The following SPINK8 variants were observed in gnomAD, a reference collection of about 807,000 sequenced individuals.
The protein encoded by SPINK8 is serine peptidase inhibitor Kazal type 8 (putative), also known as serine protease inhibitor Kazal-type 8.
Under a neutral mutation model 14.4 loss-of-function variants are expected in SPINK8, and 12 were observed. The ratio of observed to expected loss-of-function variants is 0.83; its 90% CI spans 0.53 to 1.35. The LOEUF is 1.35. Among genes scored for constraint, SPINK8 ranks in the 40% most tolerant of loss-of-function variants. SPINK8 has a pLI of 0.00. For synonymous variants in SPINK8, 32 were observed against 37.6 expected (o/e 0.85, Z 0.55); for missense variants, 103 against 117.0 (o/e 0.88, Z 0.55).
chr3:48,318,176 T>C (rs1056909031), intron 6 of SPINK8, among the ~76,000 whole-genome samples: 6 of 152,314 alleles, frequency 3.9e-5, no homozygotes, highest in Non-Finnish European at 8.8e-5. Context: ...AGTCTTGCTT[T>C]ATCTCCCAGG....
At chr3:48,310,382 A>G (rs1051495327) in intron 6 of SPINK8, among the ~76,000 whole-genome samples, 2 of 152,212 alleles carry the variant, frequency 1.3e-5, no homozygotes, top group African/African-American at 2.4e-5. Flanking sequence ...TCAAAACTTA[A>G]TAAGAAATAA....
At chr3:48,322,215 C>T (rs2036085323) in intron 4 of SPINK8, among the ~76,000 whole-genome samples, 2 of 151,942 alleles carry the variant, frequency 1.3e-5, no homozygotes, top group South Asian at 2.1e-4. Context: ...CACAGTTATG[C>T]CATCATCACC....
chr3:48,331,019 C>G (rs1003563247), intron 2 of SPINK8, among the ~76,000 whole-genome samples: 1 of 152,072 alleles, frequency 6.6e-6, no homozygotes, highest in South Asian at 2.1e-4. Context: ...GCAGGCCGGT[C>G]CAAGGATCCC....
At chr3:48,326,737 T>C (rs1453644779) in intron 4 of SPINK8, among the ~76,000 whole-genome samples, 2 of 151,930 alleles carry the variant, frequency 1.3e-5, no homozygotes, top group African/African-American at 4.8e-5. Flanking sequence ...AGTCAAACCA[T>C]GTCTCTACTA....
At chr3:48,308,097 C>T (rs1479556107) in intron 7 of SPINK8, among the ~76,000 whole-genome samples, 2 of 150,862 alleles carry the variant, frequency 1.3e-5, no homozygotes, top group African/African-American at 4.9e-5. Flanking sequence ...CCTCAGCCTC[C>T]CAAGTAGCTG....
intron 2 of SPINK8, among the ~76,000 whole-genome samples, chr3:48,329,721 G>A (rs894738123): frequency 3.9e-5 from 6 of 152,176 alleles, no homozygotes; most frequent in Non-Finnish European, 1.5e-5. Flanking sequence ...GAAGTACAGT[G>A]GCATAATCAC....
At chr3:48,324,839 T>C (rs2036118575) in intron 4 of SPINK8, among the ~76,000 whole-genome samples, 1 of 152,202 alleles carries the variant, frequency 6.6e-6, no homozygotes, top group South Asian at 2.1e-4. Flanking sequence ...AGTCTTCTAT[T>C]TCCTTATTGG....
chr3:48,311,449 T>A (rs2035924182), intron 6 of SPINK8, among the ~76,000 whole-genome samples: 1 of 152,120 alleles, frequency 6.6e-6, no homozygotes, highest in East Asian at 1.9e-4. Context: ...AGAAGTAAAA[T>A]GATCTCTATT....
At chr3:48,321,098 A>G in intron 4 of SPINK8, 24 bp from the exon 5 acceptor site, 1 of 1,564,352 alleles carries the variant, frequency 6.4e-7, no homozygotes, top group Non-Finnish European at 8.7e-7. Context: ...GCACATACAG[A>G]AAAGTTGCTT....
At chr3:48,332,102 C>A (rs2036272087) in intron 2 of SPINK8, among the ~76,000 whole-genome samples, 1 of 152,150 alleles carries the variant, frequency 6.6e-6, no homozygotes, top group Admixed American at 6.5e-5. Flanking sequence ...TTTAAAGTGT[C>A]CTTGTAGACC....
intron 5 of SPINK8, 75 bp downstream of exon 5, chr3:48,320,950 G>A: frequency 6.8e-7 from 1 of 1,470,284 alleles, no homozygotes; most frequent in Non-Finnish European, 9.3e-7. Flanking sequence ...CCTCCCAGAA[G>A]AAAGAGCTGG....
chr3:48,333,334 TC>T (rs897434717), intron 1 of SPINK8, among the ~76,000 whole-genome samples, 200 bp downstream of exon 1: 1 of 152,112 alleles, frequency 6.6e-6, no homozygotes, highest in African/African-American at 2.4e-5. Flanking sequence ...GTCAAATTGG[TC>T]CTAATTCTCT....
intron 4 of SPINK8, among the ~76,000 whole-genome samples, chr3:48,324,493 G>C (rs2036114052): frequency 6.6e-6 from 1 of 151,844 alleles, no homozygotes; most frequent in Admixed American, 6.6e-5. Flanking sequence ...AATTACCCTG[G>C]CTTGAACCTC....
intron 6 of SPINK8, among the ~76,000 whole-genome samples, chr3:48,313,953 G>A (rs2035954773): frequency 6.6e-6 from 1 of 152,198 alleles, no homozygotes; most frequent in Non-Finnish European, 1.5e-5. Context: ...GGAACTGTGG[G>A]GAGGAGGGAA....
rs192423110 is a variant in SPINK8 at position 48,308,098 on chromosome 3, C to T, written c.283-1095G>A. 2.7e-3 allele frequency among the ~76,000 whole-genome samples: 411 copies of T among 151,154 alleles called. 2 individuals carry two copies. The highest frequency in any genetic ancestry group is 9.2e-3 in the African/African-American group (379 of 41,222). On this transcript the variant is annotated intron_variant, in intron 7 of 7. Coordinates refer to ENST00000434006, the MANE Select transcript of SPINK8 (RefSeq NM_001080525.3). ...ATGCCATTCACCTGCCTCAGCCTCCCAAGTAGCTGGGACTACAGGCGCCCG... is the reference window on the plus strand; with the variant it reads ...ATGCCATTCACCTGCCTCAGCCTCCTAAGTAGCTGGGACTACAGGCGCCCG...
chr3:48,328,987 G>A (rs2036181399), intron 3 of SPINK8, among the ~76,000 whole-genome samples, 166 bp downstream of exon 3: 1 of 152,134 alleles, frequency 6.6e-6, no homozygotes, highest in South Asian at 2.1e-4. Flanking sequence ...CATACCAATT[G>A]ATATTTTAAT....
intron 4 of SPINK8, among the ~76,000 whole-genome samples, chr3:48,326,567 A>T (rs1266781187): frequency 6.6e-6 from 1 of 151,198 alleles, no homozygotes. Context: ...AGATGGTGCC[A>T]CTGCACTCCA....
intron 4 of SPINK8, among the ~76,000 whole-genome samples, chr3:48,327,932 T>A (rs2036168652): frequency 6.6e-6 from 1 of 152,236 alleles, no homozygotes; most frequent in East Asian, 1.9e-4. Flanking sequence ...GAATAATATC[T>A]GAGTCTACTT....
chr3:48,310,267 A>C (rs540476685), intron 6 of SPINK8, among the ~76,000 whole-genome samples: 9 of 152,314 alleles, frequency 5.9e-5, no homozygotes, highest in Middle Eastern at 3.4e-3. Context: ...ATCGCTACTG[A>C]CCTTACAGAA....
Sources: gnomAD v4.1 joint callset for allele counts (sites outside exome capture counted in the v4.1 genomes callset) on GRCh38, gnomAD v4.1.1 for gene constraint, MANE v1.5 for transcripts, NCBI Gene and HGNC (gene_info 2026-07-23, HGNC 2026-07-21) for gene names.